Variants in METTL25 observed in about 807,000 individuals in gnomAD.
The protein encoded by METTL25 is probable methyltransferase-like protein 25.
In METTL25, 64 loss-of-function variants were observed where a neutral mutation model predicts 71.6. The observed-to-expected ratio is 0.89, with a 90% CI of 0.73 to 1.10. METTL25 has a LOEUF of 1.10. Among genes scored for constraint, METTL25 ranks in the 50% least tolerant of loss-of-function variants. METTL25 has a pLI of 0.00. For missense variants in METTL25, 807 were observed against 707.0 expected (o/e 1.14, Z -1.60); for synonymous variants, 287 against 250.3 (o/e 1.15, Z -1.38).
chr12:82,368,496 G>A (rs764109265), intron 1 of METTL25, among the ~76,000 whole-genome samples: 31 of 152,126 alleles, frequency 2.0e-4, no homozygotes, highest in Non-Finnish European at 4.4e-4. Flanking sequence ...CCTCTAGCTA[G>A]CTTCATGAAT....
At chr12:82,465,168 C>A (rs571449527) in intron 9 of METTL25, among the ~76,000 whole-genome samples, 152 of 151,998 alleles carry the variant, frequency 1.0e-3, no homozygotes, top group African/African-American at 3.6e-3. Flanking sequence ...GACTGGGCAT[C>A]TTTGTCTTGC....
At chr12:82,361,626 G>A (rs1221529036) in intron 1 of METTL25, among the ~76,000 whole-genome samples, 1 of 152,204 alleles carries the variant, frequency 6.6e-6, no homozygotes, top group Non-Finnish European at 1.5e-5. Context: ...GCACTGCTGG[G>A]GGACTTGGTG....
intron 8 of METTL25, among the ~76,000 whole-genome samples, chr12:82,443,676 G>C (rs1042100200): frequency 2.6e-5 from 4 of 152,064 alleles, no homozygotes; most frequent in African/African-American, 7.2e-5. Context: ...TTATGGAGAG[G>C]GCCTCAGCTG....
chr12:82,476,716 A>G lies in METTL25; in HGVS notation c.1645A>G (p.Met549Val), dbSNP rs1029690558. The change falls in exon 10 of 12, where the codon ATG becomes GTG. Residue 549 changes from methionine (M) to valine (V), a missense_variant and splice_region_variant. Transcript: ENST00000248306. ...AATGAATGAGCTGGAAGCTTTTAAT[A>G]TGGTAAATCTCAGAGTTAAGCATAT... Reference protein sequence around the residue: ...PRMNELEAFNMLKVVLAPCIE... With the variant: ...PRMNELEAFNVLKVVLAPCIE... 8.2e-6 allele frequency: 13 copies of G among 1,579,520 alleles called. No individual in the cohort carries two copies. The East Asian group carries it at 1.8e-4, about 22-fold the overall frequency.
intron 8 of METTL25, among the ~76,000 whole-genome samples, chr12:82,451,916 A>G (rs1231001915): frequency 6.6e-6 from 1 of 152,064 alleles, no homozygotes; most frequent in Non-Finnish European, 1.5e-5. Flanking sequence ...ACACAGTGTG[A>G]CATCTTTTCT....
At chr12:82,406,162 G>T (rs1887070283) in intron 5 of METTL25, among the ~76,000 whole-genome samples, 1 of 152,112 alleles carries the variant, frequency 6.6e-6, no homozygotes, top group African/African-American at 2.4e-5. Context: ...TGTGCTTAGT[G>T]GTGGAGATAC....
chr12:82,441,474 G>A (rs956924805), intron 8 of METTL25, among the ~76,000 whole-genome samples: 7 of 151,936 alleles, frequency 4.6e-5, no homozygotes, highest in Admixed American at 3.3e-4. Flanking sequence ...ATATAGAATA[G>A]ATGTACTTTT....
intron 1 of METTL25, among the ~76,000 whole-genome samples, chr12:82,379,558 T>A (rs554695721): frequency 6.6e-6 from 1 of 152,308 alleles, no homozygotes; most frequent in South Asian, 2.1e-4. Context: ...TTTGAGATTA[T>A]GGGAAATTAA....
At chr12:82,433,699 T>C (rs1168080625) in intron 6 of METTL25, among the ~76,000 whole-genome samples, 3 of 151,572 alleles carry the variant, frequency 2.0e-5, no homozygotes, top group Non-Finnish European at 4.4e-5. Flanking sequence ...AAATTGCTCT[T>C]ATACTTATGA....
At chr12:82,425,920 A>T (rs1888973435) in intron 5 of METTL25, among the ~76,000 whole-genome samples, 1 of 152,082 alleles carries the variant, frequency 6.6e-6, no homozygotes, top group Non-Finnish European at 1.5e-5. Flanking sequence ...AAATACTAAG[A>T]AATAGGATAG....
intron 5 of METTL25, among the ~76,000 whole-genome samples, chr12:82,420,430 T>G (rs981828592): frequency 5.9e-5 from 9 of 152,122 alleles, no homozygotes; most frequent in African/African-American, 2.2e-4. Flanking sequence ...TGATGCTGGC[T>G]TGATGGCTTT....
intron 7 of METTL25, among the ~76,000 whole-genome samples, chr12:82,434,962 A>G (rs988890836): frequency 2.0e-5 from 3 of 151,576 alleles, no homozygotes; most frequent in African/African-American, 2.4e-5. Flanking sequence ...TCTTTGTATT[A>G]TACTAAACAG....
At chr12:82,445,881 A>G (rs1320164085) in intron 8 of METTL25, among the ~76,000 whole-genome samples, 2 of 152,246 alleles carry the variant, frequency 1.3e-5, no homozygotes, top group African/African-American at 2.4e-5. Context: ...TCTGTGAAAT[A>G]CAAATATGTT....
intron 8 of METTL25, among the ~76,000 whole-genome samples, chr12:82,439,484 G>A (rs565513783): frequency 3.0e-4 from 45 of 151,714 alleles, no homozygotes; most frequent in African/African-American, 1.1e-3. Flanking sequence ...TTAAAATAAG[G>A]CAATTTTCAG....
At chr12:82,401,187 T>C (rs1157362967) in intron 4 of METTL25, among the ~76,000 whole-genome samples, 1 of 152,090 alleles carries the variant, frequency 6.6e-6, no homozygotes, top group Non-Finnish European at 1.5e-5. Context: ...TTTAGTAAGT[T>C]TGATTACAGC....
intron 9 of METTL25, among the ~76,000 whole-genome samples, chr12:82,465,904 G>C (rs1431390492): frequency 6.7e-6 from 1 of 149,384 alleles, no homozygotes; most frequent in Non-Finnish European, 1.5e-5. Flanking sequence ...GTTCATAGTA[G>C]TTTCTAATGA....
intron 3 of METTL25, among the ~76,000 whole-genome samples, chr12:82,393,066 G>C (rs905526249): frequency 1.3e-5 from 2 of 152,022 alleles, no homozygotes; most frequent in African/African-American, 4.8e-5. Context: ...GTAGTGTGAT[G>C]CCTCCAGCTT....
chr12:82,371,685 C>T (rs1401663028), intron 1 of METTL25, among the ~76,000 whole-genome samples: 1 of 152,108 alleles, frequency 6.6e-6, no homozygotes, highest in Non-Finnish European at 1.5e-5. Context: ...TTGGAGCTTT[C>T]TCCTGATATC....
At position 82,398,820 on chromosome 12, in the gene METTL25, G is replaced by A; in HGVS notation, c.557G>A (p.Gly186Asp). ...KQVIDLGSGKGYLSSFLSLKY... is the reference protein window; with the variant it reads ...KQVIDLGSGKDYLSSFLSLKY... ...GTGATTGACTTGGGTTCCGGTAAAG[G>A]CTACCTAAGCTCTTTTTTGTCCTTG... is the stretch of plus-strand genomic sequence containing the variant. Residue 186 changes from glycine (G) to aspartate (D), a missense_variant, in exon 4 of 12, where the codon GGC (glycine) becomes GAC (aspartate). Coordinates refer to ENST00000248306, the MANE Select transcript of METTL25 (RefSeq NM_032230.3). 4.5e-6 allele frequency: 7 copies of A among 1,555,592 alleles called. No individual in the cohort carries two copies. Among genetic ancestry groups the A allele is most frequent in the Non-Finnish European group, 6.0e-6 (7 of 1,160,204 alleles).
Sources: gnomAD v4.1 joint callset for allele counts (sites outside exome capture counted in the v4.1 genomes callset) on GRCh38, gnomAD v4.1.1 for gene constraint, MANE v1.5 for transcripts, NCBI Gene and HGNC (gene_info 2026-07-23, HGNC 2026-07-21) for gene names.